C1R: variants seen among roughly 807,000 people sequenced by gnomAD.
C1R encodes complement C1r.
Under a neutral mutation model 27.6 loss-of-function variants are expected in C1R, and 15 were observed. That is an observed-to-expected ratio of 0.54 (90% CI 0.36 to 0.84). The LOEUF (loss-of-function observed/expected upper bound fraction) is 0.84. Ranked by LOEUF, C1R falls within the 40% of genes least tolerant of loss-of-function variation. C1R has a pLI of 0.01. For missense variants in C1R, 544 were observed against 577.9 expected, an observed-to-expected ratio of 0.94 and a Z score of 0.60; for synonymous variants, 253 against 228.8, an observed-to-expected ratio of 1.11 and a Z score of -0.95.
intron 10 of C1R, 120 bp from the exon 11 acceptor site, chr12:7,081,421 T>A: frequency 2.4e-6 from 2 of 819,850 alleles, no homozygotes; most frequent in East Asian, 5.3e-5. Flanking sequence ...TTTCTCTTTC[T>A]CCTCCCATCC....
Position 7,089,634 on chromosome 12 carries a change from G to C in C1R, c.524C>G (p.Ser175Cys). The part of the protein sequence containing the change: ...CHNYVGGYFC[S>C]CRPGYELQED... Reference sequence around the variant, plus strand: ...CTGAAGCTCATAGCCTGGACGGCAGGAACAGAAGTAGCCTCCAACGTAGTT... The same window carrying C: ...CTGAAGCTCATAGCCTGGACGGCAGCAACAGAAGTAGCCTCCAACGTAGTT... The change falls in exon 4 of 11, where the codon TCC becomes TGC. Residue 175 changes from serine to cysteine, a missense_variant. Around this residue, in one of 2 missense-constraint regions of C1R, gnomAD observed 291 missense variants for 209.0 expected, o/e 1.39. Transcript: ENST00000647956. The C allele has an allele frequency of 1.3e-6, 1 of 780,926 alleles. No homozygotes were observed. The highest frequency in any genetic ancestry group is 2.4e-6 in the Non-Finnish European group (1 of 417,994). The allele number at this position is 780,926 out of a possible 1,614,324, so 48.4% of individuals were successfully genotyped here. A position where few individuals can be genotyped will look rare whatever the true frequency, so the allele number is the denominator to read the frequency against.
intron 1 of C1R, chr12:7,092,133 C>T (rs1938291492): frequency 1.7e-6 from 1 of 603,332 alleles, no homozygotes; most frequent in South Asian, 1.9e-5. Context: ...CAAGGGGTCC[C>T]CTCCTCTCGC....
At chr12:7,087,948 A>C (rs996323525) in intron 7 of C1R, 1 of 156,784 alleles carries the variant, frequency 6.4e-6, no homozygotes, top group Middle Eastern at 5.2e-4. Context: ...AGAGATTTTT[A>C]GTTTACCAGC....
chr12:7,080,638 G>A lies in C1R; in HGVS notation c.2012C>T (p.Thr671Met), dbSNP rs1409636183. 3.1e-6 allele frequency: 5 copies of A among 1,613,754 alleles called. No homozygotes were observed. Among genetic ancestry groups the A allele is most frequent in the Admixed American group, 3.3e-5 (2 of 59,982 alleles). Residue 671 changes from threonine to methionine, a missense_variant, in exon 11 of 11, where the codon ACG becomes ATG. Thr to Met is a moderately conservative substitution (Grantham distance 81). Transcript: ENST00000647956. The surrounding 1 kb of genome is among the most constrained non-coding windows in gnomAD (Gnocchi z 4.9). ...CCCGATGCCCCAGGACACGATGCCC[G>A]TGGCCACCCAGCGATCAGTGTTCGG... ...RDPNTDRWVATGIVSWGIGCS... is the reference protein window; with the variant it reads ...RDPNTDRWVAMGIVSWGIGCS...
At position 7,080,423 on chromosome 12, in the gene C1R, A is replaced by C; in HGVS notation, c.*109T>G. On this transcript the variant is annotated 3_prime_UTR_variant, in exon 11 of 11. Coordinates refer to ENST00000647956, the MANE Select transcript of C1R (RefSeq NM_001733.7). The surrounding 1 kb of genome is among the most constrained non-coding windows in gnomAD (Gnocchi z 4.9). Reference sequence around the variant, plus strand: ...AGAATTTCACACACGGTCTTTCTGCATCAGTAATTTTAATAGAGACTCTTA... The same window carrying C: ...AGAATTTCACACACGGTCTTTCTGCCTCAGTAATTTTAATAGAGACTCTTA... The C allele has an allele frequency of 1.4e-6, 2 of 1,460,654 alleles. No individual in the cohort carries two copies. The highest frequency in any genetic ancestry group is 1.8e-6 in the Non-Finnish European group (2 of 1,107,874). The allele number at this position is 1,460,654 out of a possible 1,614,324, so 90.5% of individuals were successfully genotyped here.
intron 1 of C1R, 32 bp downstream of exon 1, chr12:7,092,355 C>G (rs1938296985): frequency 2.6e-6 from 2 of 780,868 alleles, no homozygotes. Flanking sequence ...TGGCTTCTCC[C>G]TCCCACCTGG....
intron 9 of C1R, among the ~76,000 whole-genome samples, chr12:7,082,417 C>T (rs1257611755): frequency 2.0e-5 from 3 of 152,078 alleles, no homozygotes; most frequent in African/African-American, 4.8e-5. Flanking sequence ...CTGCAAGCTC[C>T]GTCTCCCAGG....
Position 7,088,510 on chromosome 12 carries a change from C to T in C1R, c.1038+100G>A, listed in dbSNP as rs768021243. 2.3e-4 allele frequency: 166 copies of T among 717,562 alleles called. No homozygotes were observed. Among genetic ancestry groups the T allele is most frequent in the African/African-American group, 1.8e-3 (106 of 57,354 alleles). 44.4% of individuals were successfully genotyped at this position (717,562 alleles called of 1,614,324 possible). ...GAGACTCTTCCAGCTGAAACGTCTACGACTCCAGCTGGGGTGAGACTAAAT... is the reference window on the plus strand; with the variant it reads ...GAGACTCTTCCAGCTGAAACGTCTATGACTCCAGCTGGGGTGAGACTAAAT... On this transcript the variant is annotated intron_variant, in intron 7 of 10. Transcript: ENST00000647956.
Position 7,089,117 on chromosome 12 carries a change from G to A in C1R, c.769-131C>T, listed in dbSNP as rs1938207461. 3 of 630,066 alleles carry A rather than the reference G, an allele frequency of 4.8e-6. No homozygotes were observed. The Admixed American group carries it at 7.6e-5, about 16-fold the overall frequency. The allele number at this position is 630,066 out of a possible 1,614,324, so 39.0% of individuals were successfully genotyped here. A position where few individuals can be genotyped will look rare whatever the true frequency, so the allele number is the denominator to read the frequency against. ...GCCTTATGTGTGTTTTCAGGGGAAG[G>A]TGAAAAGGGATCCCCATGACCCAAT... On this transcript the variant is annotated intron_variant, in intron 5 of 10. Coordinates refer to ENST00000647956, the MANE Select transcript of C1R (RefSeq NM_001733.7).
rs1591591259 is a variant in C1R, at chr12:7,090,205, A to G, written c.275T>C (p.Leu92Pro). 1.3e-6 allele frequency: 1 copy of G among 746,006 alleles called. No individual in the cohort carries two copies. The highest frequency in any genetic ancestry group is 1.9e-5 in the Admixed American group (1 of 53,510). 46.2% of individuals were successfully genotyped at this position (746,006 alleles called of 1,614,324 possible). A position where few individuals can be genotyped will look rare whatever the true frequency, so the allele number is the denominator to read the frequency against. Residue 92 changes from leucine (L) to proline (P), a missense_variant, in exon 3 of 11, where the codon CTG becomes CCG. This residue lies in a region of C1R where 291 missense variants were observed against 209.0 expected (regional missense o/e 1.39). Coordinates refer to ENST00000647956, the MANE Select transcript of C1R (RefSeq NM_001733.7). The stretch of plus-strand genomic sequence containing the variant: ...CGGGGGGTTGCCCAGTGGAGAACCC[A>G]GTTGCCCACAGAACCTCCCCAGGCT... Reference protein sequence around the residue: ...KKSLGRFCGQLGSPLGNPPGK... With the variant: ...KKSLGRFCGQPGSPLGNPPGK...
At position 7,080,650 on chromosome 12, in the gene C1R, C is replaced by A. The variant is rs774394869; in HGVS notation, c.2000G>T (p.Arg667Leu). ...VFAVRDPNTD[R>L]WVATGIVSWG... ...GGACACGATGCCCGTGGCCACCCAG[C>A]GATCAGTGTTCGGGTCCCTTACTGC... The change falls in exon 11 of 11, where the codon CGC becomes CTC. Residue 667 changes from arginine to leucine, a missense_variant. By Grantham distance (102) the Arg-to-Leu change is moderately radical. Around this residue, in one of 2 missense-constraint regions of C1R, gnomAD observed 253 missense variants for 368.9 expected, o/e 0.69. Coordinates refer to ENST00000647956, the MANE Select transcript of C1R (RefSeq NM_001733.7). This position sits in a 1 kb window ranked among gnomAD's most constrained non-coding sequence, Gnocchi z 4.9. 2 of 1,613,864 alleles carry A rather than the reference C, an allele frequency of 1.2e-6. No individual in the cohort carries two copies. The highest frequency in any genetic ancestry group is 1.7e-6 in the Non-Finnish European group (2 of 1,179,856).
At chr12:7,081,710 C>A (rs1011070036) in intron 10 of C1R, among the ~76,000 whole-genome samples, 1 of 152,080 alleles carries the variant, frequency 6.6e-6, no homozygotes, top group African/African-American at 2.4e-5. Context: ...CCAGGCTGGT[C>A]TCGAACTCCT....
chr12:7,088,814 G>A (rs770707142), intron 6 of C1R, 25 bp downstream of exon 6: 8 of 772,626 alleles, frequency 1.0e-5, no homozygotes, highest in East Asian at 7.3e-5. Flanking sequence ...GCTGGCCATC[G>A]AGGGAGGCCT....
rs1211420476 is a variant in C1R, at chr12:7,092,089, T to TG, written c.2+297dup. The TG allele has an allele frequency of 5.2e-6, 3 of 582,358 alleles. No individual in the cohort carries two copies. In the African/African-American group the frequency reaches 5.6e-5, roughly 11 times the overall value. 36.1% of individuals were successfully genotyped at this position (582,358 alleles called of 1,614,324 possible). On this transcript the variant is annotated intron_variant, in intron 1 of 10. Transcript: ENST00000647956. ...CGTCTGGGAGAAACCATCTGTGGAG[T>TG]GGGGGACACAGGCACAGAGTGTCCC...
intron 9 of C1R, among the ~76,000 whole-genome samples, chr12:7,084,721 G>A (rs1412237875): frequency 4.7e-5 from 7 of 149,526 alleles, no homozygotes; most frequent in South Asian, 2.1e-4. Context: ...TGGTGGTGAC[G>A]ATGGTGTTGG....
chr12:7,090,932 T>C (rs1356838622), intron 2 of C1R, among the ~76,000 whole-genome samples: 1 of 152,206 alleles, frequency 6.6e-6, no homozygotes, highest in Non-Finnish European at 1.5e-5. Flanking sequence ...CTTCGCAGGC[T>C]CTGCTTGAGC....
chr12:7,090,601 T>G (rs1044358289), intron 2 of C1R, among the ~76,000 whole-genome samples: 2 of 152,142 alleles, frequency 1.3e-5, no homozygotes, highest in Non-Finnish European at 2.9e-5. Flanking sequence ...TGCCCCTCAT[T>G]CCCAGAGCTC....
At position 7,080,399 on chromosome 12, in the gene C1R, G is replaced by T. The variant is rs1716142362; in HGVS notation, c.*133C>A. On this transcript the variant is annotated 3_prime_UTR_variant, in exon 11 of 11. Coordinates refer to ENST00000647956, the MANE Select transcript of C1R (RefSeq NM_001733.7). The surrounding 1 kb of genome is among the most constrained non-coding windows in gnomAD (Gnocchi z 4.9). ...TACATCAATGGGACTACAGGAAAGAGAATTTCACACACGGTCTTTCTGCAT... is the reference window on the plus strand; with the variant it reads ...TACATCAATGGGACTACAGGAAAGATAATTTCACACACGGTCTTTCTGCAT... 1.4e-6 allele frequency: 2 copies of T among 1,424,054 alleles called. No homozygotes were observed. The highest frequency in any genetic ancestry group is 3.4e-5 in the South Asian group (2 of 58,350). 88.2% of individuals were successfully genotyped at this position (1,424,054 alleles called of 1,614,324 possible).
chr12:7,088,536 C>A (rs1938191118), intron 7 of C1R, 74 bp downstream of exon 7: 1 of 718,348 alleles, frequency 1.4e-6, no homozygotes, highest in Non-Finnish European at 2.6e-6. Context: ...GAGACTAAAT[C>A]CTCTGTGAAC....
Sources: allele counts gnomAD v4.1 joint callset (sites outside exome capture counted in the v4.1 genomes callset), GRCh38; gene constraint gnomAD v4.1.1; regional missense constraint gnomAD v4.1.1; non-coding constraint Gnocchi (gnomAD v3.1); transcripts MANE v1.5; gene names NCBI Gene and HGNC (gene_info 2026-07-23, HGNC 2026-07-21).